Variants in ACSL6 observed in about 807,000 individuals in gnomAD.
ACSL6 encodes the protein long-chain-fatty-acid--CoA ligase 6.
Under a neutral mutation model 98.2 loss-of-function variants are expected in ACSL6, and 47 were observed. That is an observed-to-expected ratio of 0.48 (90% CI 0.38 to 0.61). The LOEUF is 0.61. Ranked by LOEUF, ACSL6 falls within the 20% of genes least tolerant of loss-of-function variation. The probability of loss-of-function intolerance (pLI) is 0.00; values close to 1 mark genes in which losing one functional copy is unlikely to be tolerated. For missense variants in ACSL6, 761 were observed against 913.4 expected (o/e 0.83, Z 2.15); for synonymous variants, 362 against 336.9 (o/e 1.07, Z -0.82).
At position 131,951,420 on chromosome 5, in the gene ACSL6, T is replaced by C. The variant is rs760333332; in HGVS notation, c.*2814A>G. On this transcript the variant is annotated 3_prime_UTR_variant, in exon 21 of 21. Transcript: ENST00000651883. ...AATTAAGTGGCATTAAACAGAGAAA[T>C]AGATAAATGTACATGCAAGATATTT... The C allele has an allele frequency of 8.4e-5, 17 of 201,724 alleles. No individual in the cohort carries two copies. Among genetic ancestry groups the C allele is most frequent in the South Asian group, 3.8e-4 (2 of 5,256 alleles). The allele number at this position is 201,724 out of a possible 1,614,324, so 12.5% of individuals were successfully genotyped here.
In ACSL6 at chr5:131,952,041, G is replaced by A. The variant is rs1485572166; in HGVS notation, c.*2193C>T. 1.1e-5 allele frequency: 2 copies of A among 179,006 alleles called. No individual in the cohort carries two copies. Among genetic ancestry groups the A allele is most frequent in the African/African-American group, 4.7e-5 (2 of 42,324 alleles). The allele number at this position is 179,006 out of a possible 1,614,324, so 11.1% of individuals were successfully genotyped here. On this transcript the variant is annotated 3_prime_UTR_variant, in exon 21 of 21. Transcript: ENST00000651883. ...ACTATGAATTTTAGTTGAGTAGGAG[G>A]ACAATGGGAAACAGATTCTTTTTTT...
intron 11 of ACSL6, among the ~76,000 whole-genome samples, chr5:131,974,576 T>G (rs1480937156): frequency 6.6e-6 from 1 of 152,134 alleles, no homozygotes; most frequent in African/African-American, 2.4e-5. Flanking sequence ...GGGGCTTCCC[T>G]GGAACAATGC....
intron 1 of ACSL6, among the ~76,000 whole-genome samples, chr5:132,005,514 C>G: frequency 6.6e-6 from 1 of 152,238 alleles, no homozygotes; most frequent in East Asian, 1.9e-4. Context: ...TGATCTCTGT[C>G]CCAGCTCTAA....
Position 131,993,051 on chromosome 5 carries a change from C to T in ACSL6, c.270+980G>A, listed in dbSNP as rs557213057. 3.3e-5 allele frequency: 5 copies of T among 152,732 alleles called. No individual in the cohort carries two copies. In the East Asian group the frequency reaches 9.6e-4, roughly 29 times the overall value. The allele number at this position is 152,732 out of a possible 1,614,324, so 9.5% of individuals were successfully genotyped here. On this transcript the variant is annotated intron_variant, in intron 2 of 20. Transcript: ENST00000651883. ...ACACCAAAGGCCATTCTCAACAGCACTTGGCCAGCCCATCTCTGGCCCCTC... is the reference window on the plus strand; with the variant it reads ...ACACCAAAGGCCATTCTCAACAGCATTTGGCCAGCCCATCTCTGGCCCCTC...
At chr5:131,994,494 G>A (rs1034817142) in intron 1 of ACSL6, 10 of 521,340 alleles carry the variant, frequency 1.9e-5, no homozygotes, top group Middle Eastern at 5.2e-4. Context: ...AGAATCATAC[G>A]CTCAGGCCCT....
At chr5:131,989,580 ATTCTTTTTTTTT>A in intron 4 of ACSL6, 72 bp from the exon 5 acceptor site, 1 of 407,710 alleles carries the variant, frequency 2.5e-6, no homozygotes. Flanking sequence ...CCCAGGAGGA[ATTCTTTTTTTTT>A]TTTTTTTTTT....
chr5:132,003,680 C>T (rs1485373110), intron 1 of ACSL6: 1 of 152,274 alleles, frequency 6.6e-6, no homozygotes, highest in Non-Finnish European at 1.5e-5. Context: ...CCAGGCAGGC[C>T]ATTGGGCGTT....
At position 131,960,604 on chromosome 5, in the gene ACSL6, A is replaced by G. The variant is rs753652259; in HGVS notation, c.1875T>C (p.Ile625=). 26 of 1,613,948 alleles carry G rather than the reference A, an allele frequency of 1.6e-5. No individual in the cohort carries two copies. The highest frequency in any genetic ancestry group is 2.1e-5 in the Non-Finnish European group (25 of 1,179,998). ...GCATAACTTCAGGGTCAGGCACAAC[A>G]ATGCCTACCAAAAAGGCCTGCAGTG... ...GDSLKAFLVG[I]VVPDPEVMPS... Residue 625 remains isoleucine, a synonymous_variant, in exon 19 of 21, where the codon ATT becomes ATC. Coordinates refer to ENST00000651883, the MANE Select transcript of ACSL6 (RefSeq NM_001009185.3).
chr5:131,985,283 G>A (rs1464638344), intron 9 of ACSL6, 124 bp downstream of exon 9: 8 of 1,253,784 alleles, frequency 6.4e-6, no homozygotes, highest in African/African-American at 3.0e-5. Context: ...AGTGTCTGGA[G>A]CCAGGAACAA....
chr5:131,977,613 T>C (rs1753687808), intron 9 of ACSL6, among the ~76,000 whole-genome samples: 1 of 152,086 alleles, frequency 6.6e-6, no homozygotes, highest in Non-Finnish European at 1.5e-5. Context: ...ATAATCTAAG[T>C]ATGAAAGATG....
chr5:132,009,621 C>A (rs537955916), intron 1 of ACSL6, among the ~76,000 whole-genome samples: 3 of 152,316 alleles, frequency 2.0e-5, no homozygotes, highest in African/African-American at 7.2e-5. Context: ...GTGGAAGCAG[C>A]CACTACCTGC....
intron 9 of ACSL6, 70 bp from the exon 10 acceptor site, chr5:131,976,791 G>A: frequency 3.0e-6 from 4 of 1,342,594 alleles, no homozygotes; most frequent in South Asian, 2.4e-5. Context: ...CAGTGCCCAA[G>A]TTGGCAGTCC....
chr5:131,997,375 G>T (rs1314659559), intron 1 of ACSL6, among the ~76,000 whole-genome samples: 1 of 152,190 alleles, frequency 6.6e-6, no homozygotes, highest in East Asian at 1.9e-4. Context: ...CAGTCTCAAT[G>T]CCAGCCCCTC....
chr5:131,994,507 G>A (rs990645026), intron 1 of ACSL6: 15 of 491,474 alleles, frequency 3.1e-5, no homozygotes, highest in Non-Finnish European at 5.6e-5. Context: ...CAGGCCCTGG[G>A]CCATGGCTGA....
chr5:131,961,956 A>ACT (rs1752732631), intron 18 of ACSL6, among the ~76,000 whole-genome samples: 1 of 151,952 alleles, frequency 6.6e-6, no homozygotes. Context: ...GAGGAGAATC[A>ACT]CTCGAGCTCA....
intron 1 of ACSL6, among the ~76,000 whole-genome samples, chr5:132,008,461 T>C (rs1755533838): frequency 6.6e-6 from 1 of 152,162 alleles, no homozygotes; most frequent in African/African-American, 2.4e-5. Context: ...TTATCTCTTC[T>C]CCTTACTGGA....
At chr5:131,975,705 C>A (rs566836406) in intron 10 of ACSL6, 13 of 985,328 alleles carry the variant, frequency 1.3e-5, no homozygotes, top group Non-Finnish European at 1.3e-5. Context: ...TGGGACTGAC[C>A]CTAGGGACAG....
intron 1 of ACSL6, among the ~76,000 whole-genome samples, chr5:132,008,752 A>G (rs894505431): frequency 6.6e-6 from 1 of 152,212 alleles, no homozygotes; most frequent in African/African-American, 2.4e-5. Flanking sequence ...TATCTCTGAC[A>G]AATTCCCCTG....
intron 16 of ACSL6, among the ~76,000 whole-genome samples, chr5:131,967,348 G>A (rs1753063696): frequency 6.6e-6 from 1 of 152,000 alleles, no homozygotes; most frequent in African/African-American, 2.4e-5. Context: ...GGCAGAGCAA[G>A]GCCTTGACTC....
Sources: allele counts gnomAD v4.1 joint callset (sites outside exome capture counted in the v4.1 genomes callset), GRCh38; gene constraint gnomAD v4.1.1; transcripts MANE v1.5; gene names NCBI Gene and HGNC (gene_info 2026-07-23, HGNC 2026-07-21).